The following CD247 variants were observed in gnomAD, a reference collection of about 807,000 sequenced individuals.
The protein encoded by CD247 is T-cell surface glycoprotein CD3 zeta chain.
In CD247, 13 loss-of-function variants were observed where a neutral mutation model predicts 30.0. That is an observed-to-expected ratio of 0.43 (90% CI 0.28 to 0.69). CD247 has a LOEUF of 0.69. CD247 is among the 30% of genes least tolerant of loss of function. The pLI, the probability that CD247 is intolerant of heterozygous loss-of-function variation, is 0.16. For synonymous variants in CD247, 72 were observed against 80.0 expected (o/e 0.90, Z 0.53); for missense variants, 193 against 212.6 (o/e 0.91, Z 0.57).
At chr1:167,477,424 A>C (rs1653795850) in intron 1 of CD247, among the ~76,000 whole-genome samples, 1 of 152,196 alleles carries the variant, frequency 6.6e-6, no homozygotes, top group African/African-American at 2.4e-5. Flanking sequence ...TCCTGACTTG[A>C]AAGTGCCATT....
chr1:167,488,368 G>A (rs1267525732), intron 1 of CD247, among the ~76,000 whole-genome samples: 2 of 152,280 alleles, frequency 1.3e-5, no homozygotes, highest in Non-Finnish European at 2.9e-5. Flanking sequence ...GGGTCTTGCA[G>A]TGGGACAGAA....
At chr1:167,462,124 GC>G (rs1464080217) in intron 1 of CD247, among the ~76,000 whole-genome samples, 1 of 152,198 alleles carries the variant, frequency 6.6e-6, no homozygotes, top group Non-Finnish European at 1.5e-5. Flanking sequence ...GCTAACTGAT[GC>G]CCAACCTGCA....
chr1:167,498,340 G>T (rs1200580334), intron 1 of CD247, among the ~76,000 whole-genome samples: 1 of 152,206 alleles, frequency 6.6e-6, no homozygotes, highest in African/African-American at 2.4e-5. Context: ...TCCCTCAGGA[G>T]TCAGAAGAGC....
chr1:167,463,498 CA>C (rs1653114662), intron 1 of CD247, among the ~76,000 whole-genome samples: 1 of 152,194 alleles, frequency 6.6e-6, no homozygotes, highest in South Asian at 2.1e-4. Flanking sequence ...CACTTATTCA[CA>C]AAAAATAAAA....
intron 1 of CD247, among the ~76,000 whole-genome samples, chr1:167,501,809 G>A (rs1276931126): frequency 6.6e-6 from 1 of 152,198 alleles, no homozygotes; most frequent in Non-Finnish European, 1.5e-5. Context: ...TCTTCTCAGG[G>A]TCCGTATGCC....
Position 167,499,492 on chromosome 1 carries a change from G to A in CD247, c.58+18916C>T, listed in dbSNP as rs553289703. ...TGTCCACATCCTGTTAAGCTAGATG[G>A]TGGGCATTGTGTATTTTTTTCCAGC... On this transcript the variant is annotated intron_variant, in intron 1 of 7. Coordinates refer to ENST00000362089, the MANE Select transcript of CD247 (RefSeq NM_198053.3). Among the ~76,000 whole-genome samples, 274 of 152,330 alleles carry A rather than the reference G, an allele frequency of 1.8e-3. 1 individual carries two copies. The highest frequency in any genetic ancestry group is 6.3e-3 in the African/African-American group (260 of 41,558).
rs1354632060 is a variant in CD247 at position 167,516,993 on chromosome 1, C to G, written c.58+1415G>C. Among the ~76,000 whole-genome samples, 3 of 152,214 alleles carry G rather than the reference C, an allele frequency of 2.0e-5. No individual in the cohort carries two copies. In the East Asian group the frequency reaches 5.8e-4, roughly 29 times the overall value. On this transcript the variant is annotated intron_variant, in intron 1 of 7. Transcript: ENST00000362089. The stretch of plus-strand genomic sequence containing the variant: ...TTATATGAGCTCCCTGGTGTGGTGT[C>G]TCAAGCCTGAAGCTCAGAGGCTGGA...
rs544348544 is a variant in CD247 at position 167,490,078 on chromosome 1, T to G, written c.58+28330A>C. The stretch of plus-strand genomic sequence containing the variant: ...GAACTGTGGAGCGCTCATCTTTGTG[T>G]CCTTGCTAGTACACAGCCTCCCTGT... On this transcript the variant is annotated intron_variant, in intron 1 of 7. Coordinates refer to ENST00000362089, the MANE Select transcript of CD247 (RefSeq NM_198053.3). 2.0e-5 allele frequency among the ~76,000 whole-genome samples: 3 copies of G among 152,068 alleles called. No homozygotes were observed. The South Asian group carries it at 6.2e-4, about 32-fold the overall frequency.
At chr1:167,489,437 A>G (rs1034515616) in intron 1 of CD247, among the ~76,000 whole-genome samples, 4 of 152,108 alleles carry the variant, frequency 2.6e-5, no homozygotes, top group Non-Finnish European at 5.9e-5. Flanking sequence ...GCAATGCCCT[A>G]TTTAGTGGTC....
intron 1 of CD247, among the ~76,000 whole-genome samples, chr1:167,461,789 A>C (rs1653022343): frequency 6.6e-6 from 1 of 152,142 alleles, no homozygotes; most frequent in Non-Finnish European, 1.5e-5. Context: ...CAGAGGTTGC[A>C]GTGAGCCGAG....
chr1:167,449,149 C>T (rs201134534), intron 1 of CD247, among the ~76,000 whole-genome samples: 10 of 66,426 alleles, frequency 1.5e-4, no homozygotes, highest in South Asian at 6.5e-4. Flanking sequence ...TTTTTCTTTT[C>T]TTTTTTTTTT....
chr1:167,468,250 T>TCAGCCTCCG (rs1653352581), intron 1 of CD247, among the ~76,000 whole-genome samples: 1 of 152,010 alleles, frequency 6.6e-6, no homozygotes, highest in Non-Finnish European at 1.5e-5. Context: ...CCTCCCCCAG[T>TCAGCCTCCG]AAAAGGAAAG....
chr1:167,438,600 A>G lies in CD247; in HGVS notation c.270T>C (p.Arg90=). 1.2e-6 allele frequency: 2 copies of G among 1,614,086 alleles called. No homozygotes were observed. Among genetic ancestry groups the G allele is most frequent in the Non-Finnish European group, 1.7e-6 (2 of 1,179,954 alleles). The part of the protein sequence containing the change: ...REEYDVLDKR[R]GRDPEMGGKP... ...TTCCCCCCATCTCAGGGTCCCGGCC[A>G]CGTCTCTTGTCCAAAACATCGTACT... Residue 90 remains arginine, a synonymous_variant, in exon 4 of 8, where the codon CGT becomes CGC. Coordinates refer to ENST00000362089, the MANE Select transcript of CD247 (RefSeq NM_198053.3).
intron 1 of CD247, among the ~76,000 whole-genome samples, chr1:167,501,148 G>A (rs974314422): frequency 8.7e-5 from 13 of 149,288 alleles, no homozygotes; most frequent in South Asian, 2.1e-4. Flanking sequence ...TCCGCCTCCC[G>A]GGTTCAAGCC....
intron 1 of CD247, among the ~76,000 whole-genome samples, chr1:167,492,843 A>T (rs2102081654): frequency 6.6e-6 from 1 of 152,172 alleles, no homozygotes. Flanking sequence ...CACAGTTATA[A>T]AAGGCATCAT....
chr1:167,448,376 G>A lies in CD247; in HGVS notation c.59-7609C>T, dbSNP rs141913750. 6.4e-4 allele frequency: 632 copies of A among 985,452 alleles called. 4 individuals carry two copies. The East Asian group carries it at 0.022, about 35-fold the overall frequency. 61.0% of individuals were successfully genotyped at this position (985,452 alleles called of 1,614,324 possible). ...ACTTGCTGATCCTCAGAGGTGGTGA[G>A]AGGGGTCCTCACCAGGCTGTGGAGT... On this transcript the variant is annotated intron_variant, in intron 1 of 7. Coordinates refer to ENST00000362089, the MANE Select transcript of CD247 (RefSeq NM_198053.3).
rs751145956 is a variant in CD247 at position 167,439,382 on chromosome 1, C to T, written c.181G>A (p.Ala61Thr). Reference sequence around the variant, plus strand: ...TTCTGGCCCTGCTGGTACGCGGGGGCGTCTGCGCTCCTGCTGAACTGCAAC... The same window carrying T: ...TTCTGGCCCTGCTGGTACGCGGGGGTGTCTGCGCTCCTGCTGAACTGCAAC... ...LRVKFSRSAD[A>T]PAYQQGQNQL... Residue 61 changes from alanine to threonine, a missense_variant, in exon 3 of 8, where the codon GCC (alanine) becomes ACC (threonine). Ala to Thr is a moderately conservative substitution (Grantham distance 58). Transcript: ENST00000362089. 2.5e-6 allele frequency: 4 copies of T among 1,614,112 alleles called. No individual in the cohort carries two copies. The highest frequency in any genetic ancestry group is 4.5e-5 in the East Asian group (2 of 44,874).
intron 1 of CD247, among the ~76,000 whole-genome samples, chr1:167,503,134 T>C (rs899456624): frequency 2.6e-5 from 4 of 152,210 alleles, no homozygotes; most frequent in African/African-American, 9.6e-5. Context: ...GTGGAACAGC[T>C]ACCTCAGCCT....
At position 167,431,227 on chromosome 1, in the gene CD247, T is replaced by C. The variant is rs1160736521; in HGVS notation, c.*454A>G. On this transcript the variant is annotated 3_prime_UTR_variant, in exon 8 of 8. Transcript: ENST00000362089. Reference sequence around the variant, plus strand: ...CACAACATGGCCCAGTACAGTTACCTTGAAAGGAGGTGAAGGTGACAACAG... The same window carrying C: ...CACAACATGGCCCAGTACAGTTACCCTGAAAGGAGGTGAAGGTGACAACAG... 2 of 500,604 alleles carry C rather than the reference T, an allele frequency of 4.0e-6. No homozygotes were observed. The highest frequency in any genetic ancestry group is 3.0e-5 in the East Asian group (1 of 33,654). 31.0% of individuals were successfully genotyped at this position (500,604 alleles called of 1,614,324 possible).
Sources: gnomAD v4.1 joint callset for allele counts (sites outside exome capture counted in the v4.1 genomes callset) on GRCh38, gnomAD v4.1.1 for gene constraint, MANE v1.5 for transcripts, NCBI Gene and HGNC (gene_info 2026-07-23, HGNC 2026-07-21) for gene names.